Variants in ULK4 observed in about 807,000 individuals in gnomAD.
ULK4 encodes unc-51 like kinase 4.
Under a neutral mutation model 160.6 loss-of-function variants are expected in ULK4, and 133 were observed. The observed-to-expected ratio is 0.83, with a 90% CI of 0.72 to 0.96. The LOEUF is 0.96. Ranked by LOEUF, ULK4 falls within the 40% of genes least tolerant of loss-of-function variation. ULK4 has a pLI of 0.00. For synonymous variants in ULK4, 534 were observed against 539.8 expected (o/e 0.99, Z 0.15); for missense variants, 1,580 against 1,499.5 (o/e 1.05, Z -0.89).
intron 19 of ULK4, among the ~76,000 whole-genome samples, chr3:41,803,061 A>C (rs2040514677): frequency 6.6e-6 from 1 of 151,952 alleles, no homozygotes; most frequent in East Asian, 1.9e-4. Context: ...GCTACTCAGG[A>C]GACTGAGGCA....
intron 32 of ULK4, among the ~76,000 whole-genome samples, chr3:41,520,764 G>A (rs912694045): frequency 6.6e-5 from 10 of 152,194 alleles, no homozygotes; most frequent in Non-Finnish European, 1.2e-4. Context: ...TACACTAGGT[G>A]AAGTGGTATC....
intron 1 of ULK4, chr3:41,961,802 T>C (rs1700684055): frequency 6.6e-6 from 1 of 152,494 alleles, no homozygotes; most frequent in Non-Finnish European, 1.5e-5. Context: ...GCGTCCCGTG[T>C]GCCCTTAACT....
intron 35 of ULK4, among the ~76,000 whole-genome samples, chr3:41,281,721 T>C (rs577631214): frequency 9.8e-5 from 15 of 152,308 alleles, no homozygotes; most frequent in South Asian, 4.1e-4. Flanking sequence ...ACTGGAAGCA[T>C]TGCCTTTGAA....
At chr3:41,729,342 T>A (rs565710253) in intron 22 of ULK4, among the ~76,000 whole-genome samples, 3 of 152,186 alleles carry the variant, frequency 2.0e-5, no homozygotes, top group Non-Finnish European at 4.4e-5. Context: ...CACGGGCCAA[T>A]TGCAGTTCAG....
At chr3:41,262,146 A>G (rs1575366495) in intron 35 of ULK4, among the ~76,000 whole-genome samples, 2 of 152,066 alleles carry the variant, frequency 1.3e-5, no homozygotes, top group Non-Finnish European at 2.9e-5. Context: ...GCCTCTCCCC[A>G]TGAAGGGTGT....
chr3:41,645,082 CT>C (rs1470972170), intron 30 of ULK4, among the ~76,000 whole-genome samples: 1 of 151,354 alleles, frequency 6.6e-6, no homozygotes, highest in East Asian at 1.9e-4. Context: ...ATTCTTCTCT[CT>C]TTTTTTCTTT....
chr3:41,671,729 ATTAAAC>A (rs2035544810), intron 29 of ULK4, among the ~76,000 whole-genome samples: 1 of 152,188 alleles, frequency 6.6e-6, no homozygotes, highest in South Asian at 2.1e-4. Context: ...ATGGGACTAT[ATTAAAC>A]TTAAAAGCTT....
rs543284311 is a variant in ULK4 at position 41,280,357 on chromosome 3, T to C, written c.3679-30783A>G. 4.5e-4 allele frequency among the ~76,000 whole-genome samples: 68 copies of C among 152,322 alleles called. 1 individual carries two copies. The highest frequency in any genetic ancestry group is 1.6e-3 in the African/African-American group (67 of 41,570). ...CCACCTCAAATAAACAGAATATACA[T>C]TCTTCTCAGTACCACATCACACTTA... On this transcript the variant is annotated intron_variant, in intron 35 of 36. Coordinates refer to ENST00000301831, the MANE Select transcript of ULK4 (RefSeq NM_017886.4).
chr3:41,289,736 C>A (rs1309344926), intron 35 of ULK4, among the ~76,000 whole-genome samples: 1 of 152,024 alleles, frequency 6.6e-6, no homozygotes, highest in Non-Finnish European at 1.5e-5. Flanking sequence ...AGGGGAGAAG[C>A]CCAAGGAAGG....
At chr3:41,445,491 A>C (rs568231005) in intron 34 of ULK4, among the ~76,000 whole-genome samples, 1 of 152,310 alleles carries the variant, frequency 6.6e-6, no homozygotes, top group South Asian at 2.1e-4. Flanking sequence ...AGGCTACAGT[A>C]ACCAAAACAG....
chr3:41,660,752 G>A (rs2125757098), intron 30 of ULK4, among the ~76,000 whole-genome samples: 1 of 152,240 alleles, frequency 6.6e-6, no homozygotes, highest in South Asian at 2.1e-4. Flanking sequence ...TTTTAACGCT[G>A]TTTTTCAAGA....
At chr3:41,658,288 G>A (rs1479246028) in intron 30 of ULK4, among the ~76,000 whole-genome samples, 1 of 152,194 alleles carries the variant, frequency 6.6e-6, no homozygotes, top group African/African-American at 2.4e-5. Context: ...CAGATGGGGA[G>A]CGTCTAATTA....
At chr3:41,277,121 CA>C (rs752419379) in intron 35 of ULK4, among the ~76,000 whole-genome samples, 42 of 152,034 alleles carry the variant, frequency 2.8e-4, no homozygotes, top group East Asian at 7.8e-4. Context: ...AAATTACCAC[CA>C]AAAAATGTCC....
chr3:41,310,358 A>T (rs1475541234), intron 35 of ULK4, among the ~76,000 whole-genome samples: 1 of 152,208 alleles, frequency 6.6e-6, no homozygotes, highest in African/African-American at 2.4e-5. Flanking sequence ...ATAATTACCA[A>T]ATAAAAGAAA....
At chr3:41,634,323 G>A (rs1260297894) in intron 30 of ULK4, among the ~76,000 whole-genome samples, 3 of 152,168 alleles carry the variant, frequency 2.0e-5, no homozygotes, top group Non-Finnish European at 4.4e-5. Context: ...GCATCCTGGG[G>A]AAAACTCTGC....
chr3:41,828,793 T>C (rs918268867), intron 18 of ULK4, among the ~76,000 whole-genome samples: 8 of 152,072 alleles, frequency 5.3e-5, no homozygotes, highest in African/African-American at 1.9e-4. Flanking sequence ...TAGAAAAAAC[T>C]ACTTTAAATT....
chr3:41,397,971 T>C (rs2082098299), intron 35 of ULK4, 108 bp downstream of exon 35: 4 of 1,301,974 alleles, frequency 3.1e-6, no homozygotes, highest in Admixed American at 4.8e-5. Flanking sequence ...TGACAACTCT[T>C]GCAAATTCTC....
At chr3:41,544,080 A>C (rs1209900373) in intron 32 of ULK4, among the ~76,000 whole-genome samples, 1 of 152,074 alleles carries the variant, frequency 6.6e-6, no homozygotes, top group Admixed American at 6.5e-5. Context: ...GTATTTTCCT[A>C]GTTTGGCTTT....
chr3:41,471,571 T>C (rs2083992505), intron 32 of ULK4, among the ~76,000 whole-genome samples: 1 of 152,166 alleles, frequency 6.6e-6, no homozygotes, highest in South Asian at 2.1e-4. Flanking sequence ...TGGAACATTC[T>C]TCAGGATAGA....
Sources: allele counts gnomAD v4.1 joint callset (sites outside exome capture counted in the v4.1 genomes callset), GRCh38; gene constraint gnomAD v4.1.1; transcripts MANE v1.5; gene names NCBI Gene and HGNC (gene_info 2026-07-23, HGNC 2026-07-21).